GSTA2: variants seen among roughly 807,000 people sequenced by gnomAD.
GSTA2 encodes the protein glutathione S-transferase A2.
Under a neutral mutation model 22.4 loss-of-function variants are expected in GSTA2, and 27 were observed. The ratio of observed to expected loss-of-function variants is 1.21; its 90% CI spans 0.89 to 1.67. GSTA2 has a LOEUF of 1.67. Ranked by LOEUF, GSTA2 falls within the 40% of genes most tolerant of loss-of-function variation. GSTA2 has a pLI of 0.00. For missense variants in GSTA2, 302 were observed against 260.2 expected (o/e 1.16, Z -1.11); for synonymous variants, 121 against 86.8 (o/e 1.39, Z -2.19).
chr6:52,755,158 AC>A (rs1762816791), intron 3 of GSTA2, 83 bp from the exon 4 acceptor site: 1 of 1,558,564 alleles, frequency 6.4e-7, no homozygotes, highest in Admixed American at 2.0e-5. Context: ...TGTTGAAATG[AC>A]TAAATTTGTA....
At chr6:52,752,754 A>C (rs996823878) in intron 5 of GSTA2, 100 bp downstream of exon 5, 45 of 1,435,668 alleles carry the variant, frequency 3.1e-5, no homozygotes, top group Admixed American at 5.1e-5. Context: ...TCCAGGAAGT[A>C]TCACTGAAAG....
At chr6:52,754,234 T>C (rs1273480665) in intron 4 of GSTA2, among the ~76,000 whole-genome samples, 1 of 152,232 alleles carries the variant, frequency 6.6e-6, no homozygotes, top group Non-Finnish European at 1.5e-5. Flanking sequence ...TGTTTGGGGA[T>C]ATACTTGTTA....
intron 1 of GSTA2, among the ~76,000 whole-genome samples, chr6:52,762,578 C>T (rs1419135393): frequency 1.3e-5 from 2 of 152,198 alleles, no homozygotes; most frequent in African/African-American, 4.8e-5. Context: ...TCCTATTGTC[C>T]TGCCACATCC....
chr6:52,755,859 C>G (rs1393930190), intron 3 of GSTA2, among the ~76,000 whole-genome samples: 1 of 152,000 alleles, frequency 6.6e-6, no homozygotes, highest in African/African-American at 2.4e-5. Flanking sequence ...CCACTCCCCC[C>G]ATGAAAGAAA....
At chr6:52,759,128 G>A (rs1762903771) in intron 1 of GSTA2, among the ~76,000 whole-genome samples, 1 of 152,304 alleles carries the variant, frequency 6.6e-6, no homozygotes, top group South Asian at 2.1e-4. Flanking sequence ...AAATATCAGT[G>A]AGCATGACAT....
intron 4 of GSTA2, among the ~76,000 whole-genome samples, chr6:52,753,757 C>T (rs576782176): frequency 1.3e-5 from 2 of 152,328 alleles, no homozygotes; most frequent in South Asian, 4.1e-4. Context: ...TTATGTTATA[C>T]TATTGAGTGG....
chr6:52,759,178 G>C (rs535721409), intron 1 of GSTA2, among the ~76,000 whole-genome samples: 2 of 152,316 alleles, frequency 1.3e-5, no homozygotes, highest in Admixed American at 6.5e-5. Flanking sequence ...GTTAGTTTCA[G>C]TTATTTGTAT....
chr6:52,751,605 C>T lies in GSTA2; in HGVS notation c.518G>A (p.Ser173Asn), dbSNP rs1185397755. ...CAGCAGAGGGAAGCTGGAAATAAGG[C>T]TAGAGTCAAGCTCTTCCACGTAGTA... Reference protein sequence around the residue: ...LLYYVEELDSSLISSFPLLKA... With the variant: ...LLYYVEELDSNLISSFPLLKA... The change falls in exon 6 of 7, where the codon AGC becomes AAC. Residue 173 changes from serine (S) to asparagine (N), a missense_variant. Physicochemically the swap from Ser to Asn is conservative, Grantham distance 46. Coordinates refer to ENST00000493422, the MANE Select transcript of GSTA2 (RefSeq NM_000846.5). The T allele has an allele frequency of 2.5e-6, 4 of 1,614,070 alleles. No individual in the cohort carries two copies. The highest frequency in any genetic ancestry group is 3.4e-6 in the Non-Finnish European group (4 of 1,179,982).
chr6:52,758,080 C>G (rs1762882219), intron 1 of GSTA2, 103 bp from the exon 2 acceptor site: 2 of 687,982 alleles, frequency 2.9e-6, no homozygotes, highest in African/African-American at 3.6e-5. Context: ...TGAAGAAGAA[C>G]CTGCCTTCTT....
intron 1 of GSTA2, among the ~76,000 whole-genome samples, chr6:52,760,007 A>C (rs1435492871): frequency 1.3e-5 from 2 of 152,190 alleles, no homozygotes; most frequent in South Asian, 2.1e-4. Flanking sequence ...AATTCTTTGA[A>C]ATCATACTGA....
chr6:52,759,716 C>T (rs1221338532), intron 1 of GSTA2, among the ~76,000 whole-genome samples: 2 of 151,502 alleles, frequency 1.3e-5, no homozygotes, highest in African/African-American at 4.9e-5. Context: ...TCCTGAGTAG[C>T]TGGGATTACA....
chr6:52,761,234 G>A (rs1360911971), intron 1 of GSTA2, among the ~76,000 whole-genome samples: 2 of 152,188 alleles, frequency 1.3e-5, no homozygotes, highest in Non-Finnish European at 2.9e-5. Flanking sequence ...GAAGATGGGT[G>A]AGGCTCTGGA....
intron 4 of GSTA2, among the ~76,000 whole-genome samples, chr6:52,754,239 T>C (rs1233926810): frequency 6.6e-6 from 1 of 152,240 alleles, no homozygotes; most frequent in African/African-American, 2.4e-5. Flanking sequence ...GGGGATATAC[T>C]TGTTAGAGGA....
intron 4 of GSTA2, 94 bp downstream of exon 4, chr6:52,754,849 G>T: frequency 6.5e-7 from 1 of 1,545,934 alleles, no homozygotes; most frequent in African/African-American, 1.4e-5. Context: ...GCCTGCTGCT[G>T]GTCTTGATAC....
At chr6:52,760,133 G>A (rs753213902) in intron 1 of GSTA2, among the ~76,000 whole-genome samples, 1 of 152,132 alleles carries the variant, frequency 6.6e-6, no homozygotes, top group Admixed American at 6.5e-5. Context: ...AGAATGAAAG[G>A]GAGAGTGAAG....
intron 5 of GSTA2, among the ~76,000 whole-genome samples, chr6:52,752,037 T>C (rs368554989): frequency 4.6e-5 from 7 of 152,120 alleles, no homozygotes; most frequent in African/African-American, 1.2e-4. Context: ...GGCCCTGCAG[T>C]GTGGAGCCCT....
At chr6:52,750,927 C>A (rs1762724816) in intron 6 of GSTA2, among the ~76,000 whole-genome samples, 1 of 152,206 alleles carries the variant, frequency 6.6e-6, no homozygotes, top group African/African-American at 2.4e-5. Context: ...GTTCAGTCAT[C>A]CCTATCTTTC....
At chr6:52,752,238 T>A (rs1190693981) in intron 5 of GSTA2, among the ~76,000 whole-genome samples, 1 of 152,120 alleles carries the variant, frequency 6.6e-6, no homozygotes, top group East Asian at 1.9e-4. Flanking sequence ...GAACCTGAAT[T>A]CATCATCTTT....
At position 52,754,953 on chromosome 6, in the gene GSTA2, C is replaced by A. The variant is rs748843873; in HGVS notation, c.262G>T (p.Glu88Ter). ...GAAAATATACCGTACAGGGCTTTCT[C>A]CTTTATGTCTTTCCCATAGAGGTTG... ...KYNLYGKDIK[E>*]KALIDMYIEG... Residue 88 changes from glutamate (E) to a stop codon, truncating the protein, a stop_gained, in exon 4 of 7, where the codon GAG (glutamate) becomes TAG (stop). Transcript: ENST00000493422. LOFTEE classifies it high-confidence loss of function. 6.2e-7 allele frequency: 1 copy of A among 1,613,756 alleles called. No homozygotes were observed. Among genetic ancestry groups the A allele is most frequent in the Non-Finnish European group, 8.5e-7 (1 of 1,179,930 alleles).
Sources: allele counts gnomAD v4.1 joint callset (sites outside exome capture counted in the v4.1 genomes callset), GRCh38; gene constraint gnomAD v4.1.1; transcripts MANE v1.5; gene names NCBI Gene and HGNC (gene_info 2026-07-23, HGNC 2026-07-21).